EXOC5: variants seen among roughly 807,000 people sequenced by gnomAD.
EXOC5 encodes exocyst complex component 5.
In EXOC5, 17 loss-of-function variants were observed where a neutral mutation model predicts 90.8. The observed-to-expected ratio is 0.19, with a 90% CI of 0.13 to 0.28. The LOEUF is 0.28. EXOC5 is among the 10% of genes least tolerant of loss of function. The pLI is 1.00. For synonymous variants in EXOC5, 260 were observed against 270.0 expected (o/e 0.96, Z 0.36); for missense variants, 569 against 830.6 (o/e 0.69, Z 3.87).
At chr14:57,222,764 T>C (rs200663711) in intron 12 of EXOC5, among the ~76,000 whole-genome samples, 2,994 of 132,198 alleles carry the variant, frequency 0.023, 39 homozygotes, top group Middle Eastern at 0.065. Flanking sequence ...CACACACACA[T>C]ATATATATAT....
intron 1 of EXOC5, among the ~76,000 whole-genome samples, chr14:57,257,184 A>G (rs1884372956): frequency 6.6e-6 from 1 of 152,128 alleles, no homozygotes. Context: ...AAAAGGAATA[A>G]AAGATTACTC....
intron 1 of EXOC5, among the ~76,000 whole-genome samples, chr14:57,253,531 G>A (rs1055250276): frequency 6.6e-6 from 1 of 152,062 alleles, no homozygotes; most frequent in Non-Finnish European, 1.5e-5. Flanking sequence ...TTCAAAAATA[G>A]ACAAACCCCG....
chr14:57,268,471 G>A (rs1274606639), intron 1 of EXOC5, 151 bp downstream of exon 1: 3 of 1,499,542 alleles, frequency 2.0e-6, no homozygotes, highest in Non-Finnish European at 2.7e-6. Context: ...CGCCCGCGCT[G>A]ACACGGAGCT....
chr14:57,210,107 C>T (rs201914214), intron 15 of EXOC5, 46 bp from the exon 16 acceptor site: 1 of 768,050 alleles, frequency 1.3e-6, no homozygotes, highest in Non-Finnish European at 2.1e-6. Flanking sequence ...CTAACTTACT[C>T]TATGTTTATG....
intron 17 of EXOC5, among the ~76,000 whole-genome samples, chr14:57,209,058 A>G (rs1037198376): frequency 1.3e-5 from 2 of 152,218 alleles, no homozygotes; most frequent in Non-Finnish European, 2.9e-5. Context: ...GACTAAAACT[A>G]GTTATTAACA....
chr14:57,238,904 A>AG (rs1883765252), intron 5 of EXOC5, among the ~76,000 whole-genome samples: 3 of 152,054 alleles, frequency 2.0e-5, no homozygotes, highest in African/African-American at 7.2e-5. Context: ...ATTCACATGG[A>AG]GGAAGTACTA....
chr14:57,242,990 T>G (rs1249125948), intron 4 of EXOC5, among the ~76,000 whole-genome samples: 5 of 152,170 alleles, frequency 3.3e-5, no homozygotes, highest in African/African-American at 1.2e-4. Context: ...ATGAAGTTAC[T>G]CAGGAATGGA....
intron 1 of EXOC5, among the ~76,000 whole-genome samples, chr14:57,263,608 A>G (rs760829428): frequency 6.6e-6 from 1 of 151,820 alleles, no homozygotes; most frequent in Non-Finnish European, 1.5e-5. Context: ...TCTACTAAAA[A>G]TAAAAAAATT....
chr14:57,212,706 A>G (rs1286736365), intron 15 of EXOC5, among the ~76,000 whole-genome samples: 1 of 152,206 alleles, frequency 6.6e-6, no homozygotes, highest in East Asian at 1.9e-4. Flanking sequence ...TGACCAGCAG[A>G]TGCTTTATCA....
intron 12 of EXOC5, among the ~76,000 whole-genome samples, chr14:57,222,748 TAC>T (rs1160922472): frequency 0.042 from 6,238 of 147,104 alleles, 426 homozygotes; most frequent in African/African-American, 0.15. Flanking sequence ...CATATATATA[TAC>T]ACACACACAC....
chr14:57,231,746 A>G (rs754433325), intron 10 of EXOC5, 31 bp from the exon 11 acceptor site: 1 of 1,422,002 alleles, frequency 7.0e-7, no homozygotes, highest in South Asian at 1.3e-5. Context: ...GAAAAAGATT[A>G]ATATACATTT....
At chr14:57,237,214 A>G (rs1469506060) in intron 6 of EXOC5, 124 bp downstream of exon 6, 11 of 664,114 alleles carry the variant, frequency 1.7e-5, no homozygotes, top group Non-Finnish European at 5.5e-6. Context: ...GGGATCTTCT[A>G]TGCAGTAGCC....
chr14:57,221,181 A>T (rs1883127840), intron 13 of EXOC5, among the ~76,000 whole-genome samples: 2 of 152,228 alleles, frequency 1.3e-5, no homozygotes, highest in African/African-American at 4.8e-5. Flanking sequence ...TTGAAAAGCC[A>T]GCCATGAGAA....
At chr14:57,236,099 G>A (rs1409463068) in intron 6 of EXOC5, among the ~76,000 whole-genome samples, 4 of 151,830 alleles carry the variant, frequency 2.6e-5, no homozygotes, top group Non-Finnish European at 5.9e-5. Context: ...GTAGCTGACT[G>A]GAAAAAATCC....
intron 1 of EXOC5, chr14:57,268,295 A>G (rs1884754054): frequency 7.8e-6 from 4 of 509,712 alleles, no homozygotes; most frequent in Admixed American, 3.9e-5. Context: ...CCTTCCCACT[A>G]CTCATCCGGA....
At chr14:57,231,990 G>A (rs1883501930) in intron 10 of EXOC5, 1 of 297,038 alleles carries the variant, frequency 3.4e-6, no homozygotes, top group African/African-American at 2.2e-5. Context: ...AATGGCGACA[G>A]TGGCAGATTG....
chr14:57,264,056 G>A (rs1036085344), intron 1 of EXOC5, among the ~76,000 whole-genome samples: 2 of 152,150 alleles, frequency 1.3e-5, no homozygotes. Flanking sequence ...TAACATGTCT[G>A]TCTTCCTCAA....
At chr14:57,230,906 T>C (rs1883463336) in intron 11 of EXOC5, among the ~76,000 whole-genome samples, 2 of 150,508 alleles carry the variant, frequency 1.3e-5, no homozygotes, top group Admixed American at 1.3e-4. Flanking sequence ...ACTTATTCTA[T>C]CGAGAAAAAA....
At chr14:57,252,902 G>C (rs745986858) in intron 1 of EXOC5, among the ~76,000 whole-genome samples, 3 of 152,130 alleles carry the variant, frequency 2.0e-5, no homozygotes, top group Admixed American at 6.6e-5. Flanking sequence ...ATCAATGGAT[G>C]AATGGATAAA....
Sources: gnomAD v4.1 joint callset for allele counts (sites outside exome capture counted in the v4.1 genomes callset) on GRCh38, gnomAD v4.1.1 for gene constraint, MANE v1.5 for transcripts, NCBI Gene and HGNC (gene_info 2026-07-23, HGNC 2026-07-21) for gene names.